Variants in DARS1 observed in about 807,000 individuals in gnomAD.
The protein encoded by DARS1 is aspartate--tRNA ligase, cytoplasmic.
DARS1 carries 51 observed loss-of-function variants against 68.8 expected under a neutral mutation model. The ratio of observed to expected loss-of-function variants is 0.74; its 90% CI spans 0.59 to 0.94. The LOEUF is 0.94. DARS1 is among the 40% of genes least tolerant of loss of function. DARS1 has a pLI of 0.00. For missense variants in DARS1, 607 were observed against 597.3 expected, an observed-to-expected ratio of 1.02 and a Z score of -0.17; for synonymous variants, 203 against 190.4, an observed-to-expected ratio of 1.07 and a Z score of -0.55.
In DARS1 at chr2:135,983,222, C is replaced by T. The variant is rs542310913; in HGVS notation, c.124+175G>A. 2.6e-5 allele frequency among the ~76,000 whole-genome samples: 4 copies of T among 152,192 alleles called. No homozygotes were observed. The South Asian group carries it at 6.2e-4, about 24-fold the overall frequency. On this transcript the variant is annotated intron_variant, in intron 2 of 15. Coordinates refer to ENST00000264161, the MANE Select transcript of DARS1 (RefSeq NM_001349.4). ...TTTTTTTCCTTTTCTAGAGTTGGAA[C>T]CCTAAACTGACAATGTTTACACAGG...
intron 7 of DARS1, among the ~76,000 whole-genome samples, chr2:135,925,142 C>G (rs988824924): frequency 1.3e-5 from 2 of 152,134 alleles, no homozygotes; most frequent in African/African-American, 4.8e-5. Flanking sequence ...CTCAGTTTCT[C>G]TGGTCCTCCT....
chr2:135,983,074 A>G (rs1682675002), intron 2 of DARS1, among the ~76,000 whole-genome samples: 1 of 152,242 alleles, frequency 6.6e-6, no homozygotes, highest in Non-Finnish European at 1.5e-5. Context: ...TGATGAAGGC[A>G]GTTATTAGCC....
intron 7 of DARS1, among the ~76,000 whole-genome samples, chr2:135,932,095 A>AT (rs1400778642): frequency 6.6e-6 from 1 of 152,234 alleles, no homozygotes; most frequent in Non-Finnish European, 1.5e-5. Context: ...TAGGAATAAC[A>AT]TGAGTATATA....
chr2:135,918,087 T>C (rs1205020673), intron 10 of DARS1, among the ~76,000 whole-genome samples: 1 of 151,976 alleles, frequency 6.6e-6, no homozygotes, highest in Non-Finnish European at 1.5e-5. Context: ...GCCTGGCTAA[T>C]TTTTTGTACT....
rs1575381276 is a variant in DARS1, at chr2:135,911,402, C to G, written c.1322G>C (p.Arg441Thr). ...TTTACCAATTCCATGATGTAAAGCT[C>G]TCTCTGTTAGCAGTTGAGGATCATG... ...RIHDPQLLTE[R>T]ALHHGIDLEK... is the part of the protein sequence containing the mutation. Residue 441 changes from arginine to threonine, a missense_variant, in exon 14 of 16, where the codon AGA (arginine) becomes ACA (threonine). Transcript: ENST00000264161. The G allele has an allele frequency of 2.0e-6, 2 of 981,742 alleles. No individual in the cohort carries two copies. Among genetic ancestry groups the G allele is most frequent in the Non-Finnish European group, 3.3e-6 (2 of 602,290 alleles). The allele number at this position is 981,742 out of a possible 1,614,324, so 60.8% of individuals were successfully genotyped here. A position where few individuals can be genotyped will look rare whatever the true frequency, so the allele number is the denominator to read the frequency against.
chr2:135,984,964 T>C (rs1486100051), intron 1 of DARS1, among the ~76,000 whole-genome samples: 4 of 152,238 alleles, frequency 2.6e-5, no homozygotes, highest in African/African-American at 9.6e-5. Context: ...ATTAAACATA[T>C]TGGCAGATGG....
In DARS1 at chr2:135,966,999, G is replaced by C. The variant is rs75732042; in HGVS notation, c.218-5501C>G. Among the ~76,000 whole-genome samples the C allele has an allele frequency of 7.5e-3, 1,140 of 152,244 alleles. 97 individuals are homozygous for C. In the East Asian group the frequency reaches 0.2, roughly 26 times the overall value. ...TATTTCTGAGCTGAAGAACAAACAT[G>C]GTAGGTAGTTAGGACAAAAAGTTTC... is the stretch of plus-strand genomic sequence containing the variant. On this transcript the variant is annotated intron_variant, in intron 3 of 15. Transcript: ENST00000264161.
At chr2:135,978,004 A>G (rs976777124) in intron 3 of DARS1, among the ~76,000 whole-genome samples, 1 of 151,838 alleles carries the variant, frequency 6.6e-6, no homozygotes, top group Non-Finnish European at 1.5e-5. Flanking sequence ...TTTGCCAGGC[A>G]TGGTGGCGCA....
chr2:135,966,449 A>T (rs1053237826), intron 3 of DARS1, among the ~76,000 whole-genome samples: 3 of 152,232 alleles, frequency 2.0e-5, no homozygotes, highest in Non-Finnish European at 4.4e-5. Context: ...TTCTTCTTGG[A>T]ACTTTCCAAC....
chr2:135,913,258 T>C (rs552043855), intron 12 of DARS1, among the ~76,000 whole-genome samples: 39 of 152,286 alleles, frequency 2.6e-4, no homozygotes, highest in African/African-American at 9.4e-4. Flanking sequence ...TTGGGAAATT[T>C]GATGTATTTT....
chr2:135,908,139 A>G (rs1446939839), intron 15 of DARS1, among the ~76,000 whole-genome samples: 1 of 152,244 alleles, frequency 6.6e-6, no homozygotes, highest in Non-Finnish European at 1.5e-5. Flanking sequence ...GTATGCTACA[A>G]TTTGTGTAAA....
chr2:135,907,194 G>A lies in DARS1; in HGVS notation c.*122C>T, dbSNP rs956769650. On this transcript the variant is annotated 3_prime_UTR_variant, in exon 16 of 16. Transcript: ENST00000264161. ...CTAGTGCATATTTTAAGTACCTAAA[G>A]TACAGCCTGTGCACTAGCAGGTTAC... 1 of 577,280 alleles carries A rather than the reference G, an allele frequency of 1.7e-6. No homozygotes were observed. 35.8% of individuals were successfully genotyped at this position (577,280 alleles called of 1,614,324 possible). A position where few individuals can be genotyped will look rare whatever the true frequency, so the allele number is the denominator to read the frequency against.
rs1681600486 is a variant in DARS1 at position 135,941,685 on chromosome 2, T to C, written c.423+1693A>G. ...GGATCTAATTAAACTAAAGAGCTTC[T>C]GCACAGCAAAAGAAACTACCATCAG... is the stretch of plus-strand genomic sequence containing the variant. On this transcript the variant is annotated intron_variant, in intron 5 of 15. Transcript: ENST00000264161. Among the ~76,000 whole-genome samples the C allele has an allele frequency of 5.9e-5, 9 of 151,352 alleles. No individual in the cohort carries two copies. In the South Asian group the frequency reaches 1.9e-3, roughly 32 times the overall value.
chr2:135,942,278 G>C (rs1681619298), intron 5 of DARS1, among the ~76,000 whole-genome samples: 1 of 152,110 alleles, frequency 6.6e-6, no homozygotes, highest in African/African-American at 2.4e-5. Flanking sequence ...TGATAGACTG[G>C]ATTAAGAAAA....
chr2:135,915,299 T>C (rs1396523312), intron 11 of DARS1, among the ~76,000 whole-genome samples: 1 of 152,176 alleles, frequency 6.6e-6, no homozygotes, highest in Non-Finnish European at 1.5e-5. Context: ...TTTATTTATT[T>C]TTTACAGACA....
chr2:135,913,213 T>C (rs1680933558), intron 12 of DARS1, among the ~76,000 whole-genome samples: 1 of 152,184 alleles, frequency 6.6e-6, no homozygotes, highest in South Asian at 2.1e-4. Flanking sequence ...ATCCTTTTGA[T>C]TGTTATAGAA....
rs751253987 is a variant in DARS1 at position 135,933,993 on chromosome 2, G to A, written c.424-3C>T. On this transcript the variant is annotated splice_polypyrimidine_tract_variant and splice_region_variant and intron_variant, in intron 5 of 15. Transcript: ENST00000264161. ...TCAGCCAAACTGATCACATAAATCT[G>A]TAAGTGAGAGATTACCAAAAATAGT... 10 of 1,610,026 alleles carry A rather than the reference G, an allele frequency of 6.2e-6. No homozygotes were observed. The highest frequency in any genetic ancestry group is 7.6e-6 in the Non-Finnish European group (9 of 1,177,266).
intron 4 of DARS1, among the ~76,000 whole-genome samples, chr2:135,950,738 A>C (rs1681822517): frequency 1.3e-5 from 2 of 152,150 alleles, no homozygotes; most frequent in Admixed American, 1.3e-4. Flanking sequence ...ATAAACCTCT[A>C]TTTTCATTAT....
intron 15 of DARS1, among the ~76,000 whole-genome samples, chr2:135,909,675 T>C (rs1462947962): frequency 6.6e-6 from 1 of 152,202 alleles, no homozygotes; most frequent in Non-Finnish European, 1.5e-5. Context: ...ACACAGTATT[T>C]GTCTTTCTGT....
Sources: allele counts gnomAD v4.1 joint callset (sites outside exome capture counted in the v4.1 genomes callset), GRCh38; gene constraint gnomAD v4.1.1; transcripts MANE v1.5; gene names NCBI Gene and HGNC (gene_info 2026-07-23, HGNC 2026-07-21).